The following MTUS2 variants were observed in gnomAD, a reference collection of about 807,000 sequenced individuals.
MTUS2 encodes the protein microtubule associated scaffold protein 2, also known as microtubule-associated tumor suppressor candidate 2.
A neutral mutation model predicts 114.1 loss-of-function variants in MTUS2; 40 were observed. The observed-to-expected ratio is 0.35, with a 90% CI of 0.27 to 0.46. The LOEUF is 0.46. Ranked by LOEUF, MTUS2 falls within the 20% of genes least tolerant of loss-of-function variation. The pLI is 1.00. For synonymous variants in MTUS2, 688 were observed against 672.0 expected, an observed-to-expected ratio of 1.02 and a Z score of -0.37; for missense variants, 1,679 against 1,705.4, an observed-to-expected ratio of 0.98 and a Z score of 0.27.
At chr13:29,362,659 C>T (rs1001196784) in intron 8 of MTUS2, among the ~76,000 whole-genome samples, 2 of 152,036 alleles carry the variant, frequency 1.3e-5, no homozygotes, top group African/African-American at 2.4e-5. Context: ...TGCACTCCAG[C>T]CTTGGTGACA....
chr13:29,103,760 A>G (rs377421048), intron 5 of MTUS2, among the ~76,000 whole-genome samples: 1 of 152,246 alleles, frequency 6.6e-6, no homozygotes, highest in Non-Finnish European at 1.5e-5. Flanking sequence ...CCACTGTCCT[A>G]TATGTGTTCT....
chr13:28,948,897 T>C (rs327131), intron 2 of MTUS2, among the ~76,000 whole-genome samples: 109,940 of 152,048 alleles, frequency 0.72, 44,184 homozygotes, highest in Non-Finnish European at 0.9. Context: ...ACTCCCATGT[T>C]GGGTGTCCAG....
chr13:29,241,465 C>G (rs1896730216), intron 5 of MTUS2, among the ~76,000 whole-genome samples: 1 of 152,106 alleles, frequency 6.6e-6, no homozygotes. Flanking sequence ...TAGCACAACG[C>G]CAGCACACTA....
intron 2 of MTUS2, among the ~76,000 whole-genome samples, chr13:28,914,920 C>A (rs895483545): frequency 6.6e-6 from 1 of 151,424 alleles, no homozygotes; most frequent in Non-Finnish European, 1.5e-5. Context: ...GTGACCCCTG[C>A]TTTTTTTTGC....
intron 4 of MTUS2, among the ~76,000 whole-genome samples, chr13:29,086,816 TTTGTAGA>T: frequency 6.6e-6 from 1 of 152,260 alleles, no homozygotes; most frequent in South Asian, 2.1e-4. Context: ...TTTTGCAGTT[TTTGTAGA>T]GATTTTTCAC....
At chr13:29,201,584 G>A (rs1329346856) in intron 5 of MTUS2, among the ~76,000 whole-genome samples, 1 of 152,178 alleles carries the variant, frequency 6.6e-6, no homozygotes, top group Non-Finnish European at 1.5e-5. Flanking sequence ...AGTTGATGCA[G>A]TCTCTTCATG....
chr13:29,350,973 A>G (rs1869208978), intron 7 of MTUS2, among the ~76,000 whole-genome samples: 2 of 125,562 alleles, frequency 1.6e-5, no homozygotes, highest in Admixed American at 1.5e-4. Context: ...ATATATATAT[A>G]TATATATATA....
chr13:29,454,895 ATAATAGCATAACTGTTACTG>A, intron 9 of MTUS2, among the ~76,000 whole-genome samples: 1 of 152,204 alleles, frequency 6.6e-6, no homozygotes, highest in Admixed American at 6.5e-5. Flanking sequence ...GCTTCTAGCC[ATAATAGCATAACTGTTACTG>A]GATGTGATAA....
chr13:29,212,553 C>G (rs771797391), intron 5 of MTUS2, among the ~76,000 whole-genome samples: 1 of 152,110 alleles, frequency 6.6e-6, no homozygotes, highest in Non-Finnish European at 1.5e-5. Flanking sequence ...TGTATGTGAC[C>G]CACACTTCTG....
At chr13:28,863,349 A>G (rs1877106034) in intron 2 of MTUS2, among the ~76,000 whole-genome samples, 1 of 152,198 alleles carries the variant, frequency 6.6e-6, no homozygotes, top group South Asian at 2.1e-4. Context: ...GTCCTCTGCT[A>G]GCCTCCCACT....
rs1385572704 is a variant in MTUS2 at position 29,277,336 on chromosome 13, A to G, written c.2645-4368A>G. On this transcript the variant is annotated intron_variant, in intron 5 of 15. Coordinates refer to ENST00000612955, the MANE Select transcript of MTUS2 (RefSeq NM_001033602.4). ...TTCTTTCAGTTATGTTGCAGTCGGA[A>G]AAAGAAGACTTAATTGTGTCCATTG... 2.6e-5 allele frequency among the ~76,000 whole-genome samples: 4 copies of G among 152,254 alleles called. No homozygotes were observed. The East Asian group carries it at 7.7e-4, about 29-fold the overall frequency.
At chr13:29,094,166 ATGTCT>A (rs1050724204) in intron 4 of MTUS2, among the ~76,000 whole-genome samples, 61 of 152,104 alleles carry the variant, frequency 4.0e-4, no homozygotes, top group African/African-American at 1.4e-3. Flanking sequence ...TTTTCTTGAG[ATGTCT>A]TTATCTGGTT....
intron 7 of MTUS2, among the ~76,000 whole-genome samples, chr13:29,338,156 A>G (rs1901178648): frequency 6.6e-6 from 1 of 151,966 alleles, no homozygotes; most frequent in African/African-American, 2.4e-5. Context: ...GAGCTAAATG[A>G]TACACAGTTT....
chr13:28,840,039 T>TC (rs975246148), intron 2 of MTUS2, among the ~76,000 whole-genome samples, 189 bp downstream of exon 2: 2 of 151,836 alleles, frequency 1.3e-5, no homozygotes, highest in African/African-American at 2.4e-5. Flanking sequence ...AATTTTTTTT[T>TC]TTTTAAAGCT....
Position 29,340,008 on chromosome 13 carries a change from G to A in MTUS2, c.2905+15297G>A, listed in dbSNP as rs1321419167. The A allele has an allele frequency of 3.3e-5, 5 of 152,602 alleles. No individual in the cohort carries two copies. The East Asian group carries it at 5.8e-4, about 18-fold the overall frequency. 9.5% of individuals were successfully genotyped at this position (152,602 alleles called of 1,614,324 possible). On this transcript the variant is annotated intron_variant, in intron 7 of 15. Coordinates refer to ENST00000612955, the MANE Select transcript of MTUS2 (RefSeq NM_001033602.4). ...GCTTCCAGAAGTTTCCGAAGTCTGC[G>A]GCCGGGGCCAAGTGTGCTGAGCTTG...
chr13:29,369,918 T>A (rs1001077294), intron 8 of MTUS2, among the ~76,000 whole-genome samples: 2 of 151,828 alleles, frequency 1.3e-5, no homozygotes, highest in African/African-American at 4.8e-5. Context: ...TTTAAAAGCA[T>A]GAAGGAGGAA....
At chr13:29,235,790 G>A (rs754119301) in intron 5 of MTUS2, among the ~76,000 whole-genome samples, 9 of 151,930 alleles carry the variant, frequency 5.9e-5, no homozygotes, top group Non-Finnish European at 1.3e-4. Context: ...GTTGGACTAG[G>A]TTATTTGCAT....
chr13:29,182,191 G>T (rs1339555758), intron 5 of MTUS2, among the ~76,000 whole-genome samples: 3 of 152,170 alleles, frequency 2.0e-5, no homozygotes, highest in East Asian at 1.9e-4. Flanking sequence ...AAACCTTGGA[G>T]TCATCCTTGA....
chr13:29,155,655 G>A (rs567231384), intron 5 of MTUS2, among the ~76,000 whole-genome samples: 2 of 152,262 alleles, frequency 1.3e-5, no homozygotes, highest in East Asian at 3.9e-4. Context: ...ATGATCTAGA[G>A]AGGAAAACAC....
Sources: allele counts gnomAD v4.1 joint callset (sites outside exome capture counted in the v4.1 genomes callset), GRCh38; gene constraint gnomAD v4.1.1; transcripts MANE v1.5; gene names NCBI Gene and HGNC (gene_info 2026-07-23, HGNC 2026-07-21).